The following GFRA1 variants were observed in gnomAD, a reference collection of about 807,000 sequenced individuals.
The protein encoded by GFRA1 is GDNF family receptor alpha-1.
Under a neutral mutation model 51.6 loss-of-function variants are expected in GFRA1, and 16 were observed. The ratio of observed to expected loss-of-function variants is 0.31; its 90% CI spans 0.21 to 0.47. The LOEUF (loss-of-function observed/expected upper bound fraction) is 0.47, where lower values mean the gene tolerates loss of function less well. Among genes scored for constraint, GFRA1 ranks in the 20% least tolerant of loss-of-function variants. The pLI is 1.00. For synonymous variants in GFRA1, 270 were observed against 241.3 expected, an observed-to-expected ratio of 1.12 and a Z score of -1.10; for missense variants, 530 against 594.3, an observed-to-expected ratio of 0.89 and a Z score of 1.13.
chr10:116,229,515 G>T (rs974481219), intron 4 of GFRA1, among the ~76,000 whole-genome samples: 8 of 152,154 alleles, frequency 5.3e-5, no homozygotes, highest in Non-Finnish European at 7.3e-5. Flanking sequence ...CTCTTCTCAG[G>T]TGGAAGGAGA....
At chr10:116,256,709 C>T (rs992250890) in intron 4 of GFRA1, among the ~76,000 whole-genome samples, 8 of 152,198 alleles carry the variant, frequency 5.3e-5, no homozygotes, top group African/African-American at 1.7e-4. Flanking sequence ...CATTCTCTTA[C>T]GAAATGTTCT....
chr10:116,116,547 G>A (rs1957419704), intron 6 of GFRA1, among the ~76,000 whole-genome samples: 1 of 152,230 alleles, frequency 6.6e-6, no homozygotes, highest in Non-Finnish European at 1.5e-5. Context: ...TGCCTGGGAG[G>A]GGGTGCACCA....
chr10:116,087,972 C>T (rs749403042), intron 9 of GFRA1, among the ~76,000 whole-genome samples: 2 of 152,006 alleles, frequency 1.3e-5, no homozygotes, highest in Admixed American at 6.6e-5. Context: ...AGTAAATGCC[C>T]GGGAAATGCT....
At chr10:116,191,489 G>A (rs1405253678) in intron 5 of GFRA1, among the ~76,000 whole-genome samples, 2 of 152,006 alleles carry the variant, frequency 1.3e-5, no homozygotes, top group Admixed American at 6.6e-5. Flanking sequence ...AAAAAATGAC[G>A]CTCTACACAG....
chr10:116,257,089 C>G (rs1968922936), intron 4 of GFRA1, among the ~76,000 whole-genome samples: 1 of 152,228 alleles, frequency 6.6e-6, no homozygotes, highest in African/African-American at 2.4e-5. Flanking sequence ...TCCCCACTGT[C>G]CACCAGGGGA....
intron 5 of GFRA1, among the ~76,000 whole-genome samples, chr10:116,160,889 T>C (rs1335414003): frequency 6.6e-6 from 1 of 152,176 alleles, no homozygotes; most frequent in Non-Finnish European, 1.5e-5. Flanking sequence ...ATAACAACAA[T>C]AAATTCTTAA....
intron 5 of GFRA1, among the ~76,000 whole-genome samples, chr10:116,198,604 C>T (rs185814047): frequency 9.8e-5 from 15 of 152,296 alleles, no homozygotes; most frequent in Admixed American, 3.3e-4. Flanking sequence ...AGCTACTCGC[C>T]GTGTTTTCCT....
rs1589931018 is a variant in GFRA1, at chr10:116,272,331, A to C, written c.-246-56T>G. On this transcript the variant is annotated intron_variant, in intron 1 of 10. Coordinates refer to ENST00000355422, the MANE Select transcript of GFRA1 (RefSeq NM_005264.8). The surrounding 1 kb of genome is among the most constrained non-coding windows in gnomAD (Gnocchi z 4.4). ...GCGGAGAGCGCCGGAGACTCCCCCC[A>C]CAGAACCCTCTCCCCTCCCCCGTTC... 1 of 513,526 alleles carries C rather than the reference A, an allele frequency of 1.9e-6. No individual in the cohort carries two copies. Among genetic ancestry groups the C allele is most frequent in the Non-Finnish European group, 3.5e-6 (1 of 283,524 alleles). The allele number at this position is 513,526 out of a possible 1,614,324, so 31.8% of individuals were successfully genotyped here. A position where few individuals can be genotyped will look rare whatever the true frequency, so the allele number is the denominator to read the frequency against.
At position 116,126,129 on chromosome 10, in the gene GFRA1, C is replaced by T. The variant is rs189784623; in HGVS notation, c.434-572G>A. On this transcript the variant is annotated intron_variant, in intron 5 of 10. Transcript: ENST00000355422. The stretch of plus-strand genomic sequence containing the variant: ...ACGAAGCTGTATTTAAATTTTAGCT[C>T]GCAGGGCGTTGGAAGAAAACCAGGA... 2.6e-4 allele frequency among the ~76,000 whole-genome samples: 39 copies of T among 152,314 alleles called. No individual in the cohort carries two copies. In the South Asian group the frequency reaches 3.9e-3, roughly 15 times the overall value.
intron 6 of GFRA1, among the ~76,000 whole-genome samples, chr10:116,112,380 G>C (rs1318014547): frequency 1.3e-5 from 2 of 152,104 alleles, no homozygotes; most frequent in Non-Finnish European, 2.9e-5. Context: ...TTAGCCCAGG[G>C]ACACTGTCAT....
chr10:116,253,033 G>T (rs567599858), intron 4 of GFRA1, among the ~76,000 whole-genome samples: 1 of 152,322 alleles, frequency 6.6e-6, no homozygotes, highest in African/African-American at 2.4e-5. Context: ...AAAAGAGAAG[G>T]CAAGTTCAAT....
intron 4 of GFRA1, among the ~76,000 whole-genome samples, chr10:116,239,526 C>A (rs1398536180): frequency 6.6e-6 from 1 of 151,972 alleles, no homozygotes; most frequent in East Asian, 1.9e-4. Flanking sequence ...ATTATGAGGT[C>A]CAAAATAATA....
At chr10:116,205,596 GATATATATAT>G (rs140642664) in intron 5 of GFRA1, among the ~76,000 whole-genome samples, 1,605 of 140,588 alleles carry the variant, frequency 0.011, 36 homozygotes, top group African/African-American at 0.038. Context: ...AAAAAAAAAA[GATATATATAT>G]ATATATATAT....
chr10:116,225,525 G>A (rs1199774053), intron 4 of GFRA1, among the ~76,000 whole-genome samples: 2 of 90,448 alleles, frequency 2.2e-5, no homozygotes, highest in Non-Finnish European at 3.9e-5. Flanking sequence ...CAGAGCAAGA[G>A]TCTGTCTCCA....
In GFRA1 at chr10:116,060,251, A is replaced by G. The variant is rs1339064211; in HGVS notation, c.*4147T>C. On this transcript the variant is annotated 3_prime_UTR_variant, in exon 11 of 11. Transcript: ENST00000355422. ...GAGGTGTCAGATATACACTTGAGATATCTATCTTAGGGATGAGAGAAAAAT... is the reference window on the plus strand; with the variant it reads ...GAGGTGTCAGATATACACTTGAGATGTCTATCTTAGGGATGAGAGAAAAAT... 6.6e-6 allele frequency: 1 copy of G among 152,192 alleles called. No individual in the cohort carries two copies. The highest frequency in any genetic ancestry group is 6.5e-5 in the Admixed American group (1 of 15,290). The allele number at this position is 152,192 out of a possible 1,614,324, so 9.4% of individuals were successfully genotyped here. A position where few individuals can be genotyped will look rare whatever the true frequency, so the allele number is the denominator to read the frequency against.
intron 4 of GFRA1, among the ~76,000 whole-genome samples, chr10:116,265,256 T>C (rs1039670021): frequency 6.6e-6 from 1 of 152,174 alleles, no homozygotes; most frequent in Non-Finnish European, 1.5e-5. Flanking sequence ...GGACTTTTCC[T>C]TCCAGCAAGT....
intron 4 of GFRA1, among the ~76,000 whole-genome samples, chr10:116,218,096 C>T (rs1459370289): frequency 2.0e-5 from 3 of 152,100 alleles, no homozygotes; most frequent in Admixed American, 6.6e-5. Flanking sequence ...ATCAGTGATC[C>T]AATGATATCC....
chr10:116,258,271 T>G (rs375675743), intron 4 of GFRA1, among the ~76,000 whole-genome samples: 16 of 151,428 alleles, frequency 1.1e-4, no homozygotes, highest in African/African-American at 3.9e-4. Flanking sequence ...TCTATCATAC[T>G]GAAAAACTGA....
At chr10:116,106,457 G>A (rs1015645939) in intron 6 of GFRA1, among the ~76,000 whole-genome samples, 5 of 152,212 alleles carry the variant, frequency 3.3e-5, no homozygotes, top group African/African-American at 1.2e-4. Context: ...GTTCGGACGT[G>A]TGTCCCCACC....
Sources: gnomAD v4.1 joint callset for allele counts (sites outside exome capture counted in the v4.1 genomes callset) on GRCh38, gnomAD v4.1.1 for gene constraint, Gnocchi (gnomAD v3.1) non-coding constraint, MANE v1.5 for transcripts, NCBI Gene and HGNC (gene_info 2026-07-23, HGNC 2026-07-21) for gene names.